The following NBAS variants were observed in gnomAD, a reference collection of about 807,000 sequenced individuals.
NBAS encodes the protein NBAS subunit of NRZ tethering complex.
A neutral mutation model predicts 302.5 loss-of-function variants in NBAS; 219 were observed. The observed-to-expected ratio is 0.72, with a 90% confidence interval of 0.65 to 0.81. The LOEUF is 0.81. NBAS is among the 30% of genes least tolerant of loss of function. The probability of loss-of-function intolerance (pLI) is 0.00; values close to 1 mark genes in which losing one functional copy is unlikely to be tolerated. For synonymous variants in NBAS, 1,118 were observed against 1,021.6 expected (o/e 1.09, Z -1.80); for missense variants, 2,932 against 2,841.6 (o/e 1.03, Z -0.72).
intron 17 of NBAS, 137 bp downstream of exon 17, chr2:15,468,245 A>T (rs1030947579): frequency 4.1e-6 from 4 of 981,032 alleles, no homozygotes; most frequent in Admixed American, 2.1e-5. Context: ...GACTTCAGGT[A>T]AGACAGTATT....
At chr2:14,919,245 A>G in the NBAS span, among the ~76,000 whole-genome samples, 1 of 152,198 alleles carries the variant, frequency 6.6e-6, no homozygotes, top group Non-Finnish European at 1.5e-5. Context: ...TAGCCAGTAC[A>G]TATAAAAGAT....
the NBAS span, among the ~76,000 whole-genome samples, chr2:15,034,251 AG>A: frequency 1.1e-5 from 1 of 94,476 alleles, no homozygotes; most frequent in African/African-American, 4.5e-5. Context: ...AAAGAAAGAA[AG>A]AAAGAAAGAA....
chr2:15,230,597 A>T (rs190178961), intron 47 of NBAS, among the ~76,000 whole-genome samples: 1 of 152,272 alleles, frequency 6.6e-6, no homozygotes, highest in Admixed American at 6.5e-5. Flanking sequence ...ACTAAGATGA[A>T]ATACTGCCTT....
intron 44 of NBAS, among the ~76,000 whole-genome samples, chr2:15,247,397 A>G (rs536143361): frequency 2.0e-4 from 30 of 152,306 alleles, no homozygotes; most frequent in African/African-American, 7.2e-4. Flanking sequence ...TATTAACCTT[A>G]AATGTAAACA....
the NBAS span, among the ~76,000 whole-genome samples, chr2:14,800,929 G>C: frequency 6.6e-6 from 1 of 151,468 alleles, no homozygotes; most frequent in East Asian, 1.9e-4. Context: ...TCATAGTGTA[G>C]TTCTGTAGGT....
chr2:14,918,312 CAA>C, the NBAS span, among the ~76,000 whole-genome samples: 742 of 103,536 alleles, frequency 7.2e-3, 2 homozygotes, highest in African/African-American at 0.016. Context: ...GAAATCCATG[CAA>C]AAAAAAAAAA....
At chr2:15,325,545 A>G (rs1672025171) in intron 38 of NBAS, among the ~76,000 whole-genome samples, 1 of 152,100 alleles carries the variant, frequency 6.6e-6, no homozygotes, top group South Asian at 2.1e-4. Context: ...CTAGCTTCAT[A>G]CTTTTCTTCT....
chr2:15,083,770 G>A, the NBAS span, among the ~76,000 whole-genome samples: 2 of 152,190 alleles, frequency 1.3e-5, no homozygotes, highest in African/African-American at 2.4e-5. Flanking sequence ...TGTGTAACAA[G>A]AGGCTTGTTC....
At chr2:15,381,659 T>A (rs1449024039) in intron 29 of NBAS, among the ~76,000 whole-genome samples, 1 of 152,218 alleles carries the variant, frequency 6.6e-6, no homozygotes, top group African/African-American at 2.4e-5. Context: ...CTAGTGACAG[T>A]TGGGTTTTAG....
the NBAS span, among the ~76,000 whole-genome samples, chr2:14,895,954 A>G: frequency 7.2e-5 from 11 of 151,970 alleles, no homozygotes; most frequent in African/African-American, 2.4e-4. Context: ...CCATGACACA[A>G]TATATCTATG....
chr2:15,366,839 T>C (rs1674234099), intron 31 of NBAS, 146 bp from the exon 32 acceptor site: 1 of 724,750 alleles, frequency 1.4e-6, no homozygotes. Context: ...AAAGGCACGT[T>C]TAACAAACAG....
chr2:15,213,269 G>T lies in NBAS; in HGVS notation c.6432+5504C>A, dbSNP rs529452445. 6.7e-4 allele frequency among the ~76,000 whole-genome samples: 102 copies of T among 152,300 alleles called. 1 individual carries two copies. Among genetic ancestry groups the T allele is most frequent in the Non-Finnish European group, 1.3e-3 (90 of 68,036 alleles). ...AGTGCATGTCAAATGACATATGCTT[G>T]AAGAATATTTGGTGAATATTCCACA... On this transcript the variant is annotated intron_variant, in intron 48 of 51. Transcript: ENST00000281513.
chr2:15,461,296 A>G lies in NBAS; in HGVS notation c.2244T>C (p.His748=). 3.1e-6 allele frequency: 5 copies of G among 1,613,248 alleles called. No individual in the cohort carries two copies. The highest frequency in any genetic ancestry group is 4.2e-6 in the Non-Finnish European group (5 of 1,179,220). The change falls in exon 21 of 52, where the codon CAT becomes CAC. Residue 748 remains histidine (H), a synonymous_variant. Coordinates refer to ENST00000281513, the MANE Select transcript of NBAS (RefSeq NM_015909.4). ...VQALEILFTY[H]GSDLLPHRLA... is the part of the protein sequence containing the mutation. ...GGCGATGAGGAAGCAGGTCGGAACC[A>G]TGGTAAGTAAACAGAATTTCCAGGG...
chr2:14,782,693 C>A, the NBAS span, among the ~76,000 whole-genome samples: 692 of 152,224 alleles, frequency 4.5e-3, 2 homozygotes, highest in Middle Eastern at 0.02. Context: ...ATAGCAAAGA[C>A]AAGGAATCAA....
At chr2:14,842,864 A>T in the NBAS span, among the ~76,000 whole-genome samples, 1 of 150,806 alleles carries the variant, frequency 6.6e-6, no homozygotes, top group Non-Finnish European at 1.5e-5. Flanking sequence ...AAAAAAAAAA[A>T]CATATACAGC....
At chr2:15,327,985 C>G in intron 37 of NBAS, 115 bp from the exon 38 acceptor site, 3 of 1,411,528 alleles carry the variant, frequency 2.1e-6, no homozygotes, top group East Asian at 2.3e-5. Context: ...AATAACTGCT[C>G]ACAAACTAAA....
intron 40 of NBAS, among the ~76,000 whole-genome samples, chr2:15,295,496 A>G (rs1415194348): frequency 6.6e-6 from 1 of 152,220 alleles, no homozygotes; most frequent in African/African-American, 2.4e-5. Flanking sequence ...CAGTGATAAT[A>G]TATAGCGTTC....
intron 34 of NBAS, 91 bp from the exon 35 acceptor site, chr2:15,352,172 TAAAAAG>T: frequency 1.1e-6 from 1 of 883,694 alleles, no homozygotes; most frequent in Non-Finnish European, 1.8e-6. Context: ...AAAGTACTTT[TAAAAAG>T]AAAATTACCT....
the NBAS span, among the ~76,000 whole-genome samples, chr2:14,870,165 G>A: frequency 6.6e-6 from 1 of 152,154 alleles, no homozygotes; most frequent in Non-Finnish European, 1.5e-5. Context: ...ATTCTACAGT[G>A]CAAGGAGGGG....
Sources: allele counts gnomAD v4.1 joint callset (sites outside exome capture counted in the v4.1 genomes callset), GRCh38; gene constraint gnomAD v4.1.1; transcripts MANE v1.5; gene names NCBI Gene and HGNC (gene_info 2026-07-23, HGNC 2026-07-21).